DPP6: variants seen among roughly 807,000 people sequenced by gnomAD.
DPP6 encodes the protein dipeptidyl peptidase like 6, also known as A-type potassium channel modulatory protein DPP6.
A neutral mutation model predicts 122.6 loss-of-function variants in DPP6; 69 were observed. The observed-to-expected ratio is 0.56, with a 90% CI of 0.46 to 0.69. DPP6 has a LOEUF of 0.69. Among genes scored for constraint, DPP6 ranks in the 30% least tolerant of loss-of-function variants. DPP6 has a pLI of 0.00. For synonymous variants in DPP6, 418 were observed against 433.1 expected, an observed-to-expected ratio of 0.97 and a Z score of 0.43; for missense variants, 928 against 1,116.9, an observed-to-expected ratio of 0.83 and a Z score of 2.41.
At chr7:154,090,268 TA>T (rs1215969298) in intron 1 of DPP6, among the ~76,000 whole-genome samples, 1 of 152,132 alleles carries the variant, frequency 6.6e-6, no homozygotes, top group African/African-American at 2.4e-5. Flanking sequence ...TAGGCTGTGG[TA>T]ATGCTATCCC....
chr7:154,060,580 G>A (rs546549135), intron 1 of DPP6, among the ~76,000 whole-genome samples: 5 of 111,366 alleles, frequency 4.5e-5, no homozygotes, highest in Admixed American at 2.7e-4. Flanking sequence ...CCTTACGTGG[G>A]ATTACTGAGA....
chr7:154,204,980 T>G (rs1303061143), intron 1 of DPP6, among the ~76,000 whole-genome samples: 2 of 152,236 alleles, frequency 1.3e-5, no homozygotes, highest in African/African-American at 2.4e-5. Context: ...GATGACAGCT[T>G]AGATCATAGC....
chr7:154,279,104 A>G (rs1363522242), intron 1 of DPP6, among the ~76,000 whole-genome samples: 1 of 146,090 alleles, frequency 6.8e-6, no homozygotes. Context: ...ATGTGTGTGC[A>G]TTGTGTATAT....
At chr7:154,830,040 A>G (rs1800512425) in intron 16 of DPP6, among the ~76,000 whole-genome samples, 1 of 152,224 alleles carries the variant, frequency 6.6e-6, no homozygotes, top group Admixed American at 6.5e-5. Context: ...CAGGCCGTCA[A>G]AATCCTCACC....
chr7:154,035,906 C>A (rs1389352074), intron 1 of DPP6, among the ~76,000 whole-genome samples: 5 of 151,848 alleles, frequency 3.3e-5, no homozygotes, highest in Admixed American at 6.5e-5. Context: ...ACGTAAAGTA[C>A]TTAAAAAATG....
intron 5 of DPP6, among the ~76,000 whole-genome samples, chr7:154,596,485 A>G (rs1563911491): frequency 6.6e-6 from 1 of 152,242 alleles, no homozygotes; most frequent in African/African-American, 2.4e-5. Context: ...GATTTCCACA[A>G]GTCTTTATGT....
chr7:154,515,310 G>A (rs1030625683), intron 3 of DPP6, among the ~76,000 whole-genome samples: 4 of 152,168 alleles, frequency 2.6e-5, no homozygotes, highest in Non-Finnish European at 5.9e-5. Context: ...GAAGCAGATT[G>A]TTTCCTTCCT....
chr7:153,889,609 C>A (rs1799099951), intron 1 of DPP6, among the ~76,000 whole-genome samples: 1 of 152,178 alleles, frequency 6.6e-6, no homozygotes, highest in South Asian at 2.1e-4. Flanking sequence ...CCCCCTAACC[C>A]CTCTCTGCGT....
At chr7:153,764,830 C>T in the DPP6 span, among the ~76,000 whole-genome samples, 40 of 151,938 alleles carry the variant, frequency 2.6e-4, no homozygotes, top group African/African-American at 8.2e-4. Context: ...TCACCAGAAC[C>T]GACACAGCTT....
At chr7:153,788,679 C>T in the DPP6 span, among the ~76,000 whole-genome samples, 4 of 152,036 alleles carry the variant, frequency 2.6e-5, no homozygotes, top group African/African-American at 9.7e-5. Flanking sequence ...AAAATGTGTT[C>T]CTGGCAGAGT....
At chr7:154,111,487 G>A (rs1806571288) in intron 1 of DPP6, among the ~76,000 whole-genome samples, 1 of 152,210 alleles carries the variant, frequency 6.6e-6, no homozygotes, top group Non-Finnish European at 1.5e-5. Flanking sequence ...TATCACCGGT[G>A]TGGGTACTGT....
At position 154,637,820 on chromosome 7, in the gene DPP6, G is replaced by A; in HGVS notation, c.628-1G>A. 1 of 1,577,210 alleles carries A rather than the reference G, an allele frequency of 6.3e-7. No homozygotes were observed. Among genetic ancestry groups the A allele is most frequent in the Non-Finnish European group, 8.6e-7 (1 of 1,160,138 alleles). On this transcript the variant is annotated splice_acceptor_variant, in intron 5 of 25. Coordinates refer to ENST00000377770, the MANE Select transcript of DPP6 (RefSeq NM_130797.4). LOFTEE classifies it high-confidence loss of function. ...CCTTTTTTCCTTTTTGTCTGTTGCAGATATATCAACACTCGTATACTGGAT... is the reference window on the plus strand; with the variant it reads ...CCTTTTTTCCTTTTTGTCTGTTGCAAATATATCAACACTCGTATACTGGAT...
intron 3 of DPP6, among the ~76,000 whole-genome samples, chr7:154,522,244 G>T (rs1827051078): frequency 6.6e-6 from 1 of 152,156 alleles, no homozygotes; most frequent in Non-Finnish European, 1.5e-5. Context: ...AAAATGCTAG[G>T]ATTACAAGCG....
At chr7:154,736,966 G>A (rs563428359) in intron 8 of DPP6, among the ~76,000 whole-genome samples, 3 of 152,238 alleles carry the variant, frequency 2.0e-5, no homozygotes, top group African/African-American at 7.2e-5. Flanking sequence ...TGTTAACCTC[G>A]TTTTAATTAT....
intron 1 of DPP6, among the ~76,000 whole-genome samples, chr7:154,309,637 A>T (rs73491268): frequency 0.21 from 32,595 of 152,120 alleles, 4,567 homozygotes; most frequent in African/African-American, 0.4. Context: ...CTTTGACCAT[A>T]ATGAGAGTTA....
intron 1 of DPP6, among the ~76,000 whole-genome samples, chr7:154,154,785 A>C (rs1796598588): frequency 6.6e-6 from 1 of 152,220 alleles, no homozygotes; most frequent in Non-Finnish European, 1.5e-5. Flanking sequence ...ACATGCATGT[A>C]CACACACACA....
At chr7:153,811,490 G>A in the DPP6 span, among the ~76,000 whole-genome samples, 1,814 of 152,254 alleles carry the variant, frequency 0.012, 9 homozygotes, top group African/African-American at 0.042. Flanking sequence ...AATTTGAGTC[G>A]TCCACTTCAT....
intron 1 of DPP6, among the ~76,000 whole-genome samples, chr7:154,068,184 A>G (rs1344120280): frequency 1.3e-5 from 2 of 151,992 alleles, no homozygotes; most frequent in African/African-American, 2.4e-5. Flanking sequence ...TTTGTGCTGA[A>G]CACAGGCCAC....
At chr7:153,772,375 C>T in the DPP6 span, among the ~76,000 whole-genome samples, 25 of 152,212 alleles carry the variant, frequency 1.6e-4, no homozygotes, top group South Asian at 8.3e-4. Context: ...TGAGGCACCA[C>T]GCCCCGCTGG....
Sources: allele counts gnomAD v4.1 joint callset (sites outside exome capture counted in the v4.1 genomes callset), GRCh38; gene constraint gnomAD v4.1.1; transcripts MANE v1.5; gene names NCBI Gene and HGNC (gene_info 2026-07-23, HGNC 2026-07-21).